The following NEDD4L variants were observed in gnomAD, a reference collection of about 807,000 sequenced individuals.
NEDD4L encodes the protein E3 ubiquitin-protein ligase NEDD4-like.
A neutral mutation model predicts 148.9 loss-of-function variants in NEDD4L; 54 were observed. The observed-to-expected ratio is 0.36, with a 90% confidence interval of 0.29 to 0.45. The LOEUF is 0.45. NEDD4L is among the 20% of genes least tolerant of loss of function. NEDD4L has a pLI of 1.00. For synonymous variants in NEDD4L, 433 were observed against 440.7 expected, an observed-to-expected ratio of 0.98 and a Z score of 0.22; for missense variants, 856 against 1,233.8, an observed-to-expected ratio of 0.69 and a Z score of 4.59.
At chr18:58,160,748 G>A (rs1432554061) in intron 1 of NEDD4L, among the ~76,000 whole-genome samples, 1 of 152,206 alleles carries the variant, frequency 6.6e-6, no homozygotes, top group Non-Finnish European at 1.5e-5. Flanking sequence ...GCTTATCTGT[G>A]TTTAAGCTTG....
At chr18:58,320,821 T>C (rs1242752999) in intron 6 of NEDD4L, among the ~76,000 whole-genome samples, 2 of 152,048 alleles carry the variant, frequency 1.3e-5, no homozygotes, top group Non-Finnish European at 2.9e-5. Flanking sequence ...CTAAATTAAA[T>C]AAATAAATGT....
At chr18:58,116,473 A>G (rs559066479) in intron 1 of NEDD4L, among the ~76,000 whole-genome samples, 8 of 152,232 alleles carry the variant, frequency 5.3e-5, no homozygotes, top group Admixed American at 2.0e-4. Context: ...GGTCTTAGGA[A>G]TTTGCAATTT....
At chr18:58,308,552 C>A (rs1009410748) in intron 5 of NEDD4L, among the ~76,000 whole-genome samples, 2 of 152,212 alleles carry the variant, frequency 1.3e-5, no homozygotes, top group African/African-American at 2.4e-5. Context: ...TGTAACCAAG[C>A]ACATCTGGGT....
At chr18:58,156,301 A>G (rs932972287) in intron 1 of NEDD4L, among the ~76,000 whole-genome samples, 13 of 152,236 alleles carry the variant, frequency 8.5e-5, no homozygotes, top group Non-Finnish European at 2.9e-5. Context: ...AATGCTATCT[A>G]GAGATGCTTT....
At chr18:58,258,959 C>T (rs909540192) in intron 5 of NEDD4L, among the ~76,000 whole-genome samples, 4 of 152,118 alleles carry the variant, frequency 2.6e-5, no homozygotes, top group Non-Finnish European at 5.9e-5. Flanking sequence ...TTCAAATATC[C>T]ACTGCTTTGG....
At chr18:58,353,896 C>G (rs1341087432) in intron 18 of NEDD4L, among the ~76,000 whole-genome samples, 1 of 152,188 alleles carries the variant, frequency 6.6e-6, no homozygotes, top group Non-Finnish European at 1.5e-5. Context: ...TTCCAGCATA[C>G]CTGGCACGTG....
intron 1 of NEDD4L, among the ~76,000 whole-genome samples, chr18:58,100,962 T>C (rs1294902608): frequency 6.6e-6 from 1 of 152,050 alleles, no homozygotes; most frequent in Non-Finnish European, 1.5e-5. Context: ...CACACCACCA[T>C]GTCTGGCTAA....
chr18:58,075,360 C>A (rs1376048074), intron 1 of NEDD4L, among the ~76,000 whole-genome samples: 2 of 152,124 alleles, frequency 1.3e-5, no homozygotes, highest in African/African-American at 4.8e-5. Flanking sequence ...TCCATGTTGT[C>A]CAGGCTGGTC....
intron 18 of NEDD4L, among the ~76,000 whole-genome samples, chr18:58,354,093 C>T (rs1285979114): frequency 6.6e-6 from 1 of 152,180 alleles, no homozygotes; most frequent in Non-Finnish European, 1.5e-5. Flanking sequence ...TCCTCGATTC[C>T]TTTGTTTGCT....
intron 2 of NEDD4L, among the ~76,000 whole-genome samples, chr18:58,226,776 A>G (rs2148033176): frequency 6.6e-6 from 1 of 152,294 alleles, no homozygotes; most frequent in South Asian, 2.1e-4. Context: ...CAGCTGACAG[A>G]GATGACATCC....
chr18:58,285,792 A>G (rs1205441688), intron 5 of NEDD4L, among the ~76,000 whole-genome samples: 2 of 152,252 alleles, frequency 1.3e-5, no homozygotes, highest in Non-Finnish European at 2.9e-5. Flanking sequence ...GAAGCAGAAT[A>G]TTGAAATTAA....
At chr18:58,231,618 T>C (rs2045248345) in intron 2 of NEDD4L, among the ~76,000 whole-genome samples, 1 of 152,132 alleles carries the variant, frequency 6.6e-6, no homozygotes, top group South Asian at 2.1e-4. Context: ...GCTGGAGTGC[T>C]GTGGCTTGAT....
intron 5 of NEDD4L, among the ~76,000 whole-genome samples, chr18:58,270,461 G>A (rs1203753589): frequency 6.6e-6 from 1 of 152,122 alleles, no homozygotes; most frequent in Non-Finnish European, 1.5e-5. Flanking sequence ...CCCATAGTCT[G>A]GCCAATAATT....
chr18:58,301,749 C>T (rs1018666746), intron 5 of NEDD4L, among the ~76,000 whole-genome samples: 1 of 152,152 alleles, frequency 6.6e-6, no homozygotes, highest in African/African-American at 2.4e-5. Flanking sequence ...CGTATTTCTG[C>T]AGCCTTAGTT....
At chr18:58,100,354 G>A (rs745431199) in intron 1 of NEDD4L, among the ~76,000 whole-genome samples, 7 of 152,218 alleles carry the variant, frequency 4.6e-5, no homozygotes, top group Non-Finnish European at 1.0e-4. Context: ...AGTAATGACA[G>A]TGTAATTTAC....
intron 1 of NEDD4L, among the ~76,000 whole-genome samples, chr18:58,068,472 T>C (rs975590763): frequency 6.6e-6 from 1 of 152,232 alleles, no homozygotes; most frequent in Admixed American, 6.5e-5. Context: ...GTGCTGGGAT[T>C]ACAGGCATGA....
chr18:58,341,916 T>C, intron 15 of NEDD4L, 119 bp downstream of exon 15: 2 of 1,199,168 alleles, frequency 1.7e-6, no homozygotes, highest in South Asian at 2.8e-5. Flanking sequence ...GTCGTTGTGT[T>C]GGTAGTGAAG....
At chr18:58,165,632 G>T in intron 1 of NEDD4L, 156 bp from the exon 2 acceptor site, 1 of 1,502,866 alleles carries the variant, frequency 6.7e-7, no homozygotes, top group South Asian at 1.3e-5. Context: ...ATTGCTTTTT[G>T]AACTTCAGTG....
At chr18:58,087,834 A>G (rs1380288468) in intron 1 of NEDD4L, among the ~76,000 whole-genome samples, 11 of 152,218 alleles carry the variant, frequency 7.2e-5, no homozygotes, top group Non-Finnish European at 1.5e-5. Context: ...AGATCGCACC[A>G]TTGCACTCCA....
Sources: gnomAD v4.1 joint callset for allele counts (sites outside exome capture counted in the v4.1 genomes callset) on GRCh38, gnomAD v4.1.1 for gene constraint, MANE v1.5 for transcripts, NCBI Gene and HGNC (gene_info 2026-07-23, HGNC 2026-07-21) for gene names.